CTPS2: variants seen among roughly 807,000 people sequenced by gnomAD.
CTPS2 encodes CTP synthase II.
In CTPS2, 19 loss-of-function variants were observed where a neutral mutation model predicts 46.8. The observed-to-expected ratio is 0.41, with a 90% CI of 0.28 to 0.60. CTPS2 has a LOEUF of 0.60. CTPS2 is among the 20% of genes least tolerant of loss of function. CTPS2 has a pLI of 0.35. For synonymous variants in CTPS2, 151 were observed against 165.2 expected (o/e 0.91, Z 0.66); for missense variants, 286 against 447.6 (o/e 0.64, Z 3.26).
At position 16,601,170 on chromosome X, in the gene CTPS2, G is replaced by A. The variant is rs749978569; in HGVS notation, c.1691+8371C>T. On this transcript the variant is annotated intron_variant, in intron 17 of 18. Transcript: ENST00000359276. ...CAAGTTTGAAACAAAGCGATTCCAA[G>A]TTTCAAGCAGTGCTGGAAACAGAAT... Among the ~76,000 whole-genome samples the A allele has an allele frequency of 5.4e-5, 6 of 111,553 alleles. No individual in the cohort carries two copies. The South Asian group carries it at 2.3e-3, about 43-fold the overall frequency.
intron 1 of CTPS2, among the ~76,000 whole-genome samples, chrX:16,706,110 AAAAG>A (rs1172961923): frequency 7.4e-5 from 8 of 107,989 alleles, no homozygotes; most frequent in African/African-American, 2.0e-4. Context: ...CAAAAAAAAA[AAAAG>A]AAAGAAAGAA....
chrX:16,683,019 C>G (rs773782592), intron 9 of CTPS2, 75 bp downstream of exon 9: 113 of 1,145,363 alleles, frequency 9.9e-5, no homozygotes, highest in Non-Finnish European at 1.3e-4. Context: ...GACCCTTTAA[C>G]AAAACTTGCC....
chrX:16,627,235 G>A, intron 14 of CTPS2: 1 of 112,044 alleles, frequency 8.9e-6, no homozygotes, highest in Non-Finnish European at 1.9e-5. Flanking sequence ...CTGCTAATTA[G>A]GCATTTTAAG....
chrX:16,596,714 TG>T (rs1462297020), intron 17 of CTPS2, among the ~76,000 whole-genome samples: 1 of 106,396 alleles, frequency 9.4e-6, no homozygotes, highest in Non-Finnish European at 1.9e-5. Context: ...TACCCAGTAA[TG>T]GGATGGCTGG....
intron 17 of CTPS2, among the ~76,000 whole-genome samples, chrX:16,604,819 GC>G (rs1448538762): frequency 2.7e-5 from 3 of 112,612 alleles, no homozygotes; most frequent in Non-Finnish European, 5.6e-5. Flanking sequence ...GCAAGACCAT[GC>G]AAATTTGTGG....
At chrX:16,664,127 C>T (rs769561164) in intron 13 of CTPS2, among the ~76,000 whole-genome samples, 7 of 112,309 alleles carry the variant, frequency 6.2e-5, no homozygotes, top group Non-Finnish European at 1.9e-5. Flanking sequence ...TGAGCCACTG[C>T]GCCCGGCCAT....
chrX:16,691,683 T>G (rs1001764224), intron 6 of CTPS2, 63 bp from the exon 7 acceptor site: 1 of 972,471 alleles, frequency 1.0e-6, no homozygotes, highest in African/African-American at 1.9e-5. Flanking sequence ...CACATTCATT[T>G]CTTTTTACAA....
chrX:16,712,094 C>G (rs888725330), intron 1 of CTPS2: 3 of 111,521 alleles, frequency 2.7e-5, no homozygotes, highest in African/African-American at 9.8e-5. Context: ...GCACTGGGCA[C>G]GGGCCAGCGT....
At chrX:16,631,248 T>C (rs1010736114) in intron 14 of CTPS2, among the ~76,000 whole-genome samples, 3 of 109,684 alleles carry the variant, frequency 2.7e-5, no homozygotes, top group African/African-American at 1.0e-4. Flanking sequence ...CTCGGGTGGC[T>C]GAGATAGGAG....
intron 13 of CTPS2, among the ~76,000 whole-genome samples, chrX:16,641,433 G>A (rs991461688): frequency 8.9e-6 from 1 of 112,550 alleles, no homozygotes; most frequent in Non-Finnish European, 1.9e-5. Context: ...GAAGCATTGA[G>A]ATTAGAGTAA....
At chrX:16,667,484 T>C (rs1921296262) in intron 13 of CTPS2, 30 bp downstream of exon 13, 1 of 1,202,821 alleles carries the variant, frequency 8.3e-7, no homozygotes, top group Non-Finnish European at 1.1e-6. Context: ...TGACAATGAC[T>C]GGACCCAGAA....
Position 16,609,544 on chromosome X carries a change from G to A in CTPS2, c.1688C>T (p.Ser563Phe). 1 of 1,211,073 alleles carries A rather than the reference G, an allele frequency of 8.3e-7. No homozygotes were observed. Among genetic ancestry groups the A allele is most frequent in the Non-Finnish European group, 1.1e-6 (1 of 894,981 alleles). ...CTAAGAGCAGTAAGCTGGTTACCTG[G>A]AAGACAGTTTGCAACCCTGTTGCAA... ...AYLQQGCKLS[S>F]SDRYSDASDD... Residue 563 changes from serine (S) to phenylalanine (F), a missense_variant, in exon 17 of 19, where the codon TCC becomes TTC. Physicochemically the swap from Ser to Phe is radical, Grantham distance 155. Transcript: ENST00000359276.
intron 16 of CTPS2, among the ~76,000 whole-genome samples, chrX:16,612,185 A>G (rs1054351668): frequency 1.8e-5 from 2 of 112,456 alleles, no homozygotes; most frequent in Admixed American, 9.4e-5. Flanking sequence ...TATCTTTAAA[A>G]TAATGCTGTT....
chrX:16,691,596 T>C lies in CTPS2; in HGVS notation c.664A>G (p.Ile222Val), dbSNP rs1923706696. ...ATCTTCTCCTTCACGGCCATCTCAA[T>C]GGGCGTTGAACTTCGGCAGACAATC... ...DLIVCRSSTP[I>V]EMAVKEKISM... Residue 222 changes from isoleucine (I) to valine (V), a missense_variant, in exon 7 of 19, where the codon ATT (isoleucine) becomes GTT (valine). Coordinates refer to ENST00000359276, the MANE Select transcript of CTPS2 (RefSeq NM_175859.3). 8.3e-7 allele frequency: 1 copy of C among 1,209,486 alleles called. No individual in the cohort carries two copies. Among genetic ancestry groups the C allele is most frequent in the Admixed American group, 2.2e-5 (1 of 45,702 alleles).
chrX:16,682,005 T>C (rs4831050), intron 9 of CTPS2, among the ~76,000 whole-genome samples: 4 of 110,610 alleles, frequency 3.6e-5, no homozygotes, highest in Non-Finnish European at 7.6e-5. Flanking sequence ...CATTCCTCCA[T>C]GTTAGAGAGG....
At chrX:16,631,383 G>A (rs1299919859) in intron 14 of CTPS2, among the ~76,000 whole-genome samples, 1 of 110,364 alleles carries the variant, frequency 9.1e-6, no homozygotes, top group Admixed American at 9.7e-5. Flanking sequence ...GCCAGGCGTG[G>A]TGGCATGTGG....
chrX:16,656,153 G>A (rs1412433585), intron 13 of CTPS2, among the ~76,000 whole-genome samples: 3 of 111,316 alleles, frequency 2.7e-5, no homozygotes, highest in Non-Finnish European at 5.7e-5. Flanking sequence ...GTTTCTAATC[G>A]CCACCCCCCA....
chrX:16,604,435 C>T (rs908393880), intron 17 of CTPS2, among the ~76,000 whole-genome samples: 10 of 112,130 alleles, frequency 8.9e-5, no homozygotes, highest in Non-Finnish European at 1.9e-4. Context: ...GTAGTGATTG[C>T]TCCCAAGAGC....
At chrX:16,695,708 C>T (rs1405879219) in intron 4 of CTPS2, among the ~76,000 whole-genome samples, 3 of 110,043 alleles carry the variant, frequency 2.7e-5, no homozygotes, top group East Asian at 2.8e-4. Flanking sequence ...CCCACCACCA[C>T]GCCCGGCTAA....
Sources: gnomAD v4.1 joint callset for allele counts (sites outside exome capture counted in the v4.1 genomes callset) on GRCh38, gnomAD v4.1.1 for gene constraint, MANE v1.5 for transcripts, NCBI Gene and HGNC (gene_info 2026-07-23, HGNC 2026-07-21) for gene names.